The following PXDNL variants were observed in gnomAD, a reference collection of about 807,000 sequenced individuals.
PXDNL encodes the protein peroxidasin like.
A neutral mutation model predicts 150.8 loss-of-function variants in PXDNL; 145 were observed. The ratio of observed to expected loss-of-function variants is 0.96; its 90% CI spans 0.84 to 1.10. The LOEUF is 1.10. Among genes scored for constraint, PXDNL ranks in the 50% least tolerant of loss-of-function variants. The pLI is 0.00. For missense variants in PXDNL, 2,087 were observed against 1,873.9 expected (o/e 1.11, Z -2.10); for synonymous variants, 757 against 725.7 (o/e 1.04, Z -0.69).
chr8:51,542,419 G>C (rs1482935592), intron 4 of PXDNL, among the ~76,000 whole-genome samples: 2 of 151,918 alleles, frequency 1.3e-5, no homozygotes, highest in East Asian at 3.9e-4. Context: ...AGTATTTGGA[G>C]ATAGGGCCTT....
At chr8:51,499,911 T>G in intron 4 of PXDNL, 141 bp from the exon 5 acceptor site, 1 of 597,048 alleles carries the variant, frequency 1.7e-6, no homozygotes, top group Admixed American at 3.0e-5. Context: ...AATCAGAAAC[T>G]CTGAGATATT....
rs772363872 is a variant in PXDNL at position 51,447,226 on chromosome 8, C to T, written c.1367-64G>A. On this transcript the variant is annotated intron_variant, in intron 11 of 22. Transcript: ENST00000356297. ...GAGCACTGAAAGCCAGAGCTGCTGGCTGTCCTGGCTAAAGGGTGAGGCCTG... is the reference window on the plus strand; with the variant it reads ...GAGCACTGAAAGCCAGAGCTGCTGGTTGTCCTGGCTAAAGGGTGAGGCCTG... 4.6e-4 allele frequency: 714 copies of T among 1,551,794 alleles called. 1 individual carries two copies. The highest frequency in any genetic ancestry group is 5.9e-4 in the Non-Finnish European group (672 of 1,135,766).
At chr8:51,422,459 A>AT (rs1379302211) in intron 14 of PXDNL, among the ~76,000 whole-genome samples, 2 of 152,176 alleles carry the variant, frequency 1.3e-5, no homozygotes, top group African/African-American at 4.8e-5. Flanking sequence ...TATTCATATG[A>AT]TAGGAAAATG....
intron 17 of PXDNL, among the ~76,000 whole-genome samples, chr8:51,379,062 T>G (rs1343862819): frequency 1.3e-5 from 2 of 152,120 alleles, no homozygotes; most frequent in Non-Finnish European, 2.9e-5. Flanking sequence ...TTTTCTGCAT[T>G]TTTTCTTCTG....
At chr8:51,594,234 C>T (rs1041693738) in intron 2 of PXDNL, among the ~76,000 whole-genome samples, 6 of 152,178 alleles carry the variant, frequency 3.9e-5, no homozygotes, top group Admixed American at 2.6e-4. Flanking sequence ...TGCTATGATG[C>T]ATGTGTATGT....
At chr8:51,783,236 C>T (rs1177420884) in intron 1 of PXDNL, among the ~76,000 whole-genome samples, 3 of 152,184 alleles carry the variant, frequency 2.0e-5, no homozygotes, top group African/African-American at 7.2e-5. Flanking sequence ...CGTAGCTGTG[C>T]ACAACCCAAA....
chr8:51,645,790 A>ATGCTGACAGGCCTCAGATGTTG (rs1353031770), intron 2 of PXDNL, among the ~76,000 whole-genome samples: 1 of 152,162 alleles, frequency 6.6e-6, no homozygotes, highest in Non-Finnish European at 1.5e-5. Flanking sequence ...TGAGCTCGGG[A>ATGCTGACAGGCCTCAGATGTTG]TGCTGACAGG....
At chr8:51,674,049 G>A (rs1160946921) in intron 1 of PXDNL, among the ~76,000 whole-genome samples, 3 of 152,126 alleles carry the variant, frequency 2.0e-5, no homozygotes, top group South Asian at 4.1e-4. Flanking sequence ...TCTTGCTTTC[G>A]ATGGTTTTCA....
At chr8:51,362,996 C>A (rs1383744426) in intron 19 of PXDNL, among the ~76,000 whole-genome samples, 2 of 152,128 alleles carry the variant, frequency 1.3e-5, no homozygotes, top group African/African-American at 4.8e-5. Context: ...ATTCAGTGAT[C>A]TGGACAGATG....
intron 12 of PXDNL, among the ~76,000 whole-genome samples, chr8:51,434,943 A>G (rs1809354736): frequency 6.6e-6 from 1 of 152,198 alleles, no homozygotes. Flanking sequence ...CCAAGAAATA[A>G]CAATTAATAT....
intron 1 of PXDNL, among the ~76,000 whole-genome samples, chr8:51,788,736 G>A (rs1351766280): frequency 6.6e-6 from 1 of 152,186 alleles, no homozygotes; most frequent in Non-Finnish European, 1.5e-5. Context: ...ACAGCTCGTG[G>A]TCCCAGTGCT....
intron 2 of PXDNL, among the ~76,000 whole-genome samples, chr8:51,628,399 CTTTTTTTTTTTT>C (rs71550276): frequency 4.3e-5 from 3 of 69,786 alleles, no homozygotes; most frequent in Admixed American, 2.5e-4. Context: ...CTTTTCTTTT[CTTTTTTTTTTTT>C]TTTTTTTTTT....
intron 3 of PXDNL, among the ~76,000 whole-genome samples, chr8:51,587,062 T>C (rs533554482): frequency 1.3e-5 from 2 of 152,328 alleles, no homozygotes; most frequent in African/African-American, 4.8e-5. Context: ...ATGACTATTA[T>C]CACATTTTGT....
intron 1 of PXDNL, among the ~76,000 whole-genome samples, chr8:51,693,452 T>C (rs1370434353): frequency 1.3e-5 from 2 of 152,236 alleles, no homozygotes; most frequent in African/African-American, 4.8e-5. Flanking sequence ...TTAAGTTTCT[T>C]GCACAACATA....
chr8:51,468,745 C>T (rs1485870858), intron 8 of PXDNL, among the ~76,000 whole-genome samples: 2 of 151,436 alleles, frequency 1.3e-5, no homozygotes, highest in Non-Finnish European at 1.5e-5. Flanking sequence ...GTTAATATTC[C>T]ATCTTAATTG....
chr8:51,384,748 C>T (rs114512779), intron 17 of PXDNL, among the ~76,000 whole-genome samples: 4,528 of 151,942 alleles, frequency 0.03, 173 homozygotes, highest in African/African-American at 0.088. Context: ...TCTACTACTA[C>T]TTTAAAGGAG....
At chr8:51,355,368 C>T (rs940229294) in intron 19 of PXDNL, among the ~76,000 whole-genome samples, 4 of 152,266 alleles carry the variant, frequency 2.6e-5, no homozygotes, top group South Asian at 2.1e-4. Context: ...TTTACAATTA[C>T]TTGATGCTCT....
chr8:51,331,360 C>A (rs1586006207), intron 21 of PXDNL, among the ~76,000 whole-genome samples: 1 of 152,254 alleles, frequency 6.6e-6, no homozygotes, highest in Non-Finnish European at 1.5e-5. Flanking sequence ...CCCTTTCCTG[C>A]CTGACACTGC....
Position 51,409,287 on chromosome 8 carries a change from C to A in PXDNL, c.2337G>T (p.Pro779=). Residue 779 remains proline (P), a synonymous_variant, in exon 17 of 23, where the codon CCG becomes CCT. Transcript: ENST00000356297. ...CCCACACTGTGGCGACCAGCCGGGG[C>A]GGCGGGAGGGGCTGGCGGGAGCCCA... is the stretch of plus-strand genomic sequence containing the variant. ...LPVGSRQPLP[P]PRLVATVWAR... The A allele has an allele frequency of 7.0e-7, 1 of 1,421,754 alleles. No homozygotes were observed. Among genetic ancestry groups the A allele is most frequent in the Non-Finnish European group, 9.1e-7 (1 of 1,094,826 alleles). 88.1% of individuals were successfully genotyped at this position (1,421,754 alleles called of 1,614,324 possible). A position where few individuals can be genotyped will look rare whatever the true frequency, so the allele number is the denominator to read the frequency against.
Sources: allele counts gnomAD v4.1 joint callset (sites outside exome capture counted in the v4.1 genomes callset), GRCh38; gene constraint gnomAD v4.1.1; transcripts MANE v1.5; gene names NCBI Gene and HGNC (gene_info 2026-07-23, HGNC 2026-07-21).